The following PLCL1 variants were observed in gnomAD, a reference collection of about 807,000 sequenced individuals.
The protein encoded by PLCL1 is inactive phospholipase C-like protein 1.
PLCL1 carries 41 observed loss-of-function variants against 84.4 expected under a neutral mutation model. That is an observed-to-expected ratio of 0.49 (90% CI 0.38 to 0.63). The LOEUF (loss-of-function observed/expected upper bound fraction) is 0.63. Among genes scored for constraint, PLCL1 ranks in the 30% least tolerant of loss-of-function variants. PLCL1 has a pLI of 0.00. For synonymous variants in PLCL1, 490 were observed against 488.3 expected (o/e 1.00, Z -0.05); for missense variants, 1,206 against 1,367.8 (o/e 0.88, Z 1.87).
chr2:197,911,384 T>C (rs73056831), intron 1 of PLCL1, among the ~76,000 whole-genome samples: 4,025 of 151,946 alleles, frequency 0.026, 169 homozygotes, highest in African/African-American at 0.092. Context: ...AGTTTAGCAA[T>C]TTAGAAAAGA....
At chr2:197,877,295 G>GA (rs1283161496) in intron 1 of PLCL1, among the ~76,000 whole-genome samples, 1 of 151,974 alleles carries the variant, frequency 6.6e-6, no homozygotes, top group Non-Finnish European at 1.5e-5. Flanking sequence ...GAATGCCTGG[G>GA]AAAATAAATG....
At chr2:198,041,104 T>A (rs1691651616) in intron 1 of PLCL1, among the ~76,000 whole-genome samples, 1 of 152,198 alleles carries the variant, frequency 6.6e-6, no homozygotes, top group Non-Finnish European at 1.5e-5. Flanking sequence ...TTAATCCTCA[T>A]ATAGATCAGC....
intron 1 of PLCL1, among the ~76,000 whole-genome samples, chr2:198,014,688 T>G (rs563759871): frequency 3.0e-4 from 46 of 152,262 alleles, no homozygotes; most frequent in African/African-American, 1.0e-3. Context: ...AAACAATTCT[T>G]GCATTTTCCT....
At chr2:197,899,677 C>T (rs1260507896) in intron 1 of PLCL1, among the ~76,000 whole-genome samples, 1 of 148,638 alleles carries the variant, frequency 6.7e-6, no homozygotes, top group African/African-American at 2.5e-5. Flanking sequence ...GCTCTGTCGC[C>T]CAGGCTGGAG....
intron 1 of PLCL1, among the ~76,000 whole-genome samples, chr2:198,032,572 G>A (rs958808921): frequency 1.3e-4 from 19 of 151,830 alleles, no homozygotes; most frequent in Admixed American, 5.9e-4. Flanking sequence ...ATTTTTTTTA[G>A]GCCAGTACAT....
intron 1 of PLCL1, among the ~76,000 whole-genome samples, chr2:197,978,759 C>G (rs996498454): frequency 6.6e-6 from 1 of 152,216 alleles, no homozygotes; most frequent in Non-Finnish European, 1.5e-5. Context: ...TGGCCAGGAG[C>G]CATTCCCTCC....
intron 5 of PLCL1, among the ~76,000 whole-genome samples, chr2:198,114,195 CT>C (rs889153525): frequency 6.6e-6 from 1 of 151,868 alleles, no homozygotes; most frequent in Non-Finnish European, 1.5e-5. Context: ...AATAGGCAGA[CT>C]GGTTACATGG....
intron 3 of PLCL1, among the ~76,000 whole-genome samples, chr2:198,097,753 C>G (rs966251490): frequency 1.3e-5 from 2 of 152,174 alleles, no homozygotes; most frequent in Non-Finnish European, 2.9e-5. Flanking sequence ...TGCGCCATTA[C>G]AAATCAGGCT....
rs1356645280 is a variant in PLCL1 at position 198,084,383 on chromosome 2, A to G, written c.866A>G (p.Lys289Arg). 6.2e-7 allele frequency: 1 copy of G among 1,614,196 alleles called. No individual in the cohort carries two copies. Among genetic ancestry groups the G allele is most frequent in the East Asian group, 2.2e-5 (1 of 44,888 alleles). Reference sequence around the variant, plus strand: ...AGGTTAAAGTTTAAAGAAATCCAGAAGAGCAAGGAAAAACTAACCACCCGC... The same window carrying G: ...AGGTTAAAGTTTAAAGAAATCCAGAGGAGCAAGGAAAAACTAACCACCCGC... ...KIRLKFKEIQ[K>R]SKEKLTTRVT... Residue 289 changes from lysine to arginine, a missense_variant, in exon 2 of 6, where the codon AAG (lysine) becomes AGG (arginine). By Grantham distance (26) the Lys-to-Arg change is conservative. Coordinates refer to ENST00000428675, the MANE Select transcript of PLCL1 (RefSeq NM_006226.4).
intron 1 of PLCL1, among the ~76,000 whole-genome samples, chr2:197,975,198 T>C (rs908927207): frequency 6.9e-6 from 1 of 145,814 alleles, no homozygotes; most frequent in Non-Finnish European, 1.5e-5. Context: ...CATTATTGAG[T>C]GTCCACGAAA....
intron 5 of PLCL1, among the ~76,000 whole-genome samples, chr2:198,131,876 T>C (rs1574334857): frequency 1.3e-5 from 2 of 152,184 alleles, no homozygotes; most frequent in South Asian, 4.1e-4. Flanking sequence ...ACACATCTCC[T>C]AGAAAGAAGA....
chr2:198,014,576 G>A (rs1018435207), intron 1 of PLCL1, among the ~76,000 whole-genome samples: 2 of 151,942 alleles, frequency 1.3e-5, no homozygotes, highest in African/African-American at 4.8e-5. Flanking sequence ...TGTTGTTTAT[G>A]TTATCTTTAT....
chr2:197,903,515 G>A (rs1688312608), intron 1 of PLCL1, among the ~76,000 whole-genome samples: 1 of 91,442 alleles, frequency 1.1e-5, no homozygotes, highest in Admixed American at 1.8e-4. Flanking sequence ...ACGGAGTCTC[G>A]CTTTGTCGCC....
chr2:197,930,328 AACAGATCT>A (rs770392791), intron 1 of PLCL1, among the ~76,000 whole-genome samples: 1 of 152,202 alleles, frequency 6.6e-6, no homozygotes, highest in Non-Finnish European at 1.5e-5. Context: ...ACACTACTTC[AACAGATCT>A]GTTCTTCACA....
intron 1 of PLCL1, among the ~76,000 whole-genome samples, chr2:197,892,400 C>G (rs1179604005): frequency 6.6e-6 from 1 of 152,062 alleles, no homozygotes; most frequent in East Asian, 1.9e-4. Context: ...GGTTTGGAGT[C>G]CAGTGTGTTT....
At chr2:198,027,039 T>C (rs1691284555) in intron 1 of PLCL1, among the ~76,000 whole-genome samples, 2 of 152,278 alleles carry the variant, frequency 1.3e-5, no homozygotes, top group South Asian at 4.1e-4. Context: ...GAAATTAGTA[T>C]GTTGAAAAGA....
At chr2:197,961,164 T>C (rs536621701) in intron 1 of PLCL1, among the ~76,000 whole-genome samples, 54 of 152,082 alleles carry the variant, frequency 3.6e-4, no homozygotes, top group Non-Finnish European at 5.4e-4. Context: ...TGAATATTCA[T>C]TTTTGTGTGC....
intron 1 of PLCL1, among the ~76,000 whole-genome samples, chr2:198,015,700 A>G (rs1443939782): frequency 6.6e-6 from 1 of 152,168 alleles, no homozygotes; most frequent in South Asian, 2.1e-4. Flanking sequence ...ATAAAAATAT[A>G]CTTACATATG....
At position 197,998,447 on chromosome 2, in the gene PLCL1, T is replaced by C. The variant is rs74993245; in HGVS notation, c.241-85311T>C. Among the ~76,000 whole-genome samples the C allele has an allele frequency of 7.6e-3, 1,162 of 152,130 alleles. 18 individuals are homozygous for C. The highest frequency in any genetic ancestry group is 0.027 in the African/African-American group (1,110 of 41,490). On this transcript the variant is annotated intron_variant, in intron 1 of 5. Coordinates refer to ENST00000428675, the MANE Select transcript of PLCL1 (RefSeq NM_006226.4). ...GGAGGCAGAAACAGTGATGGTTTCA[T>C]AGATGTCCAAGTTGCTGCTACCTTT...
Sources: gnomAD v4.1 joint callset for allele counts (sites outside exome capture counted in the v4.1 genomes callset) on GRCh38, gnomAD v4.1.1 for gene constraint, MANE v1.5 for transcripts, NCBI Gene and HGNC (gene_info 2026-07-23, HGNC 2026-07-21) for gene names.